Variants in NOTCH2 observed in about 807,000 individuals in gnomAD.
NOTCH2 encodes notch receptor 2.
NOTCH2 carries 29 observed loss-of-function variants against 235.8 expected under a neutral mutation model. The ratio of observed to expected loss-of-function variants is 0.12; its 90% confidence interval spans 0.09 to 0.17. NOTCH2 has a LOEUF of 0.17. NOTCH2 is among the 10% of genes least tolerant of loss of function. The pLI is 1.00. For missense variants in NOTCH2, 2,285 were observed against 3,150.2 expected, an observed-to-expected ratio of 0.73 and a Z score of 6.57; for synonymous variants, 1,086 against 1,141.5, an observed-to-expected ratio of 0.95 and a Z score of 0.98.
intron 5 of NOTCH2, among the ~76,000 whole-genome samples, chr1:119,983,828 G>T (rs1008712600): frequency 6.6e-6 from 1 of 152,068 alleles, no homozygotes; most frequent in African/African-American, 2.4e-5. Flanking sequence ...GTAACTATCA[G>T]GTTCTTCTCA....
rs782154565 is a variant in NOTCH2 at position 119,937,409 on chromosome 1, G to A, written c.3395C>T (p.Thr1132Met). The stretch of plus-strand genomic sequence containing the variant: ...GCCCAGGGGGCACTGACAGTAATGC[G>A]TGTTGCCAGCATTGATGCAGACACC... Reference protein sequence around the residue: ...HSGVCINAGNTHYCQCPLGYT... With the variant: ...HSGVCINAGNMHYCQCPLGYT... The change falls in exon 21 of 34, where the codon ACG becomes ATG. Residue 1132 changes from threonine to methionine, a missense_variant. Physicochemically the swap from Thr to Met is moderately conservative, Grantham distance 81. Coordinates refer to ENST00000256646, the MANE Select transcript of NOTCH2 (RefSeq NM_024408.4). 5.6e-6 allele frequency: 9 copies of A among 1,614,118 alleles called. No homozygotes were observed. The highest frequency in any genetic ancestry group is 2.2e-5 in the East Asian group (1 of 44,874).
intron 6 of NOTCH2, among the ~76,000 whole-genome samples, chr1:119,968,754 G>A (rs1328835176): frequency 6.6e-6 from 1 of 152,086 alleles, no homozygotes; most frequent in East Asian, 1.9e-4. Flanking sequence ...CCTGATTCAG[G>A]TGGCCCCAGG....
At position 119,953,608 on chromosome 1, in the gene NOTCH2, T is replaced by C; in HGVS notation, c.2300A>G (p.Gln767Arg). ...CAGATTGTCACAAGTTCCTCCATTC[T>C]GGCATGGATTCGAAAGGCATTCATT... ...DKNECLSNPC[Q>R]NGGTCDNLVN... Residue 767 changes from glutamine to arginine, a missense_variant, in exon 14 of 34, where the codon CAG becomes CGG. This residue lies in a region of NOTCH2 where 1,173 missense variants were observed against 1,515.3 expected (regional missense o/e 0.77). Transcript: ENST00000256646. 6.2e-7 allele frequency: 1 copy of C among 1,614,118 alleles called. No homozygotes were observed. The highest frequency in any genetic ancestry group is 1.3e-5 in the African/African-American group (1 of 75,072).
At chr1:120,027,480 T>G (rs1348323041) in intron 2 of NOTCH2, among the ~76,000 whole-genome samples, 2 of 149,050 alleles carry the variant, frequency 1.3e-5, no homozygotes, top group African/African-American at 2.5e-5. Context: ...AATTTTACTT[T>G]TAAGTTTTGG....
In NOTCH2 at chr1:119,915,905, C is replaced by T. The variant is rs761134514; in HGVS notation, c.6817G>A (p.Ala2273Thr). 1 of 1,614,162 alleles carries T rather than the reference C, an allele frequency of 6.2e-7. No homozygotes were observed. Among genetic ancestry groups the T allele is most frequent in the Non-Finnish European group, 8.5e-7 (1 of 1,180,032 alleles). Residue 2273 changes from alanine to threonine, a missense_variant, in exon 34 of 34, where the codon GCT (alanine) becomes ACT (threonine). By Grantham distance (58) the Ala-to-Thr change is moderately conservative (BLOSUM62 0). Transcript: ENST00000256646. The part of the protein sequence containing the change: ...QYNEMFGMVL[A>T]PAEGTHPGIA... Reference sequence around the variant, plus strand: ...CCAGGATGGGTGCCCTCAGCTGGAGCCAGGACCATACCAAACATCTCATTG... The same window carrying T: ...CCAGGATGGGTGCCCTCAGCTGGAGTCAGGACCATACCAAACATCTCATTG...
intron 19 of NOTCH2, 146 bp from the exon 20 acceptor site, chr1:119,938,156 T>C (rs1649928562): frequency 2.3e-6 from 2 of 860,362 alleles, no homozygotes; most frequent in Non-Finnish European, 3.7e-6. Flanking sequence ...GCCCTTAAAC[T>C]AGATTCAGTG....
intron 20 of NOTCH2, 78 bp from the exon 21 acceptor site, chr1:119,937,544 A>C: frequency 7.4e-7 from 1 of 1,355,504 alleles, no homozygotes; most frequent in Non-Finnish European, 1.0e-6. Context: ...TGAGCAAGTA[A>C]ATCTAAACTG....
chr1:120,017,958 T>A (rs1295529722), intron 2 of NOTCH2, among the ~76,000 whole-genome samples: 2 of 151,944 alleles, frequency 1.3e-5, no homozygotes, highest in African/African-American at 4.8e-5. Context: ...CATGAACTGC[T>A]AGATTCTGTA....
At chr1:120,041,067 AAAAAATAT>A (rs1654539735) in intron 1 of NOTCH2, among the ~76,000 whole-genome samples, 1 of 108,856 alleles carries the variant, frequency 9.2e-6, no homozygotes, top group African/African-American at 7.9e-5. Flanking sequence ...AAAAAAAAAA[AAAAAATAT>A]ATATATATAT....
chr1:120,043,815 T>C (rs2799326), intron 1 of NOTCH2, among the ~76,000 whole-genome samples: 17 of 147,536 alleles, frequency 1.2e-4, no homozygotes, highest in African/African-American at 4.3e-4. Context: ...TTTTGAAAAC[T>C]TGCCAACTCT....
chr1:120,004,835 C>T (rs1184365899), intron 3 of NOTCH2, among the ~76,000 whole-genome samples: 5 of 152,132 alleles, frequency 3.3e-5, no homozygotes, highest in South Asian at 2.1e-4. Context: ...TGCAGTGGTG[C>T]GATCATAGCT....
At chr1:119,947,361 T>C (rs1188889071) in intron 17 of NOTCH2, among the ~76,000 whole-genome samples, 1 of 152,108 alleles carries the variant, frequency 6.6e-6, no homozygotes, top group Non-Finnish European at 1.5e-5. Context: ...AAAATTTAAA[T>C]AGACATTTCA....
At chr1:119,936,094 T>G (rs1362489175) in intron 21 of NOTCH2, among the ~76,000 whole-genome samples, 2 of 151,984 alleles carry the variant, frequency 1.3e-5, no homozygotes, top group South Asian at 2.1e-4. Flanking sequence ...GAGGTGGGGC[T>G]GGCTGGCTGG....
intron 17 of NOTCH2, among the ~76,000 whole-genome samples, chr1:119,944,039 A>C (rs1156636276): frequency 1.3e-5 from 2 of 152,184 alleles, no homozygotes; most frequent in Non-Finnish European, 2.9e-5. Flanking sequence ...ATCCAAAATA[A>C]AACACTAAGT....
At chr1:119,946,329 A>G (rs1276020476) in intron 17 of NOTCH2, among the ~76,000 whole-genome samples, 9 of 152,104 alleles carry the variant, frequency 5.9e-5, no homozygotes, top group Non-Finnish European at 1.0e-4. Context: ...TTGCCCTCTT[A>G]TCACAACCAG....
At chr1:120,030,777 AAGAAC>A (rs1406595729) in intron 1 of NOTCH2, among the ~76,000 whole-genome samples, 1 of 124,864 alleles carries the variant, frequency 8.0e-6, no homozygotes, top group Non-Finnish European at 1.7e-5. Context: ...TTTCAGAGAA[AAGAAC>A]AAAAACAACA....
rs2101158957 is a variant in NOTCH2, at chr1:119,923,784, G to A, written c.4712C>T (p.Thr1571Ile). The change falls in exon 26 of 34, where the codon ACC (threonine) becomes ATC (isoleucine). Residue 1571 changes from threonine (T) to isoleucine (I), a missense_variant. By Grantham distance (89) the Thr-to-Ile change is moderately conservative. This residue lies in a region of NOTCH2 where 1,173 missense variants were observed against 1,515.3 expected (regional missense o/e 0.77). Coordinates refer to ENST00000256646, the MANE Select transcript of NOTCH2 (RefSeq NM_024408.4). ...AATGCGCAGGTTGGTGTGGAGCAGGGTACCCAGTGCCCGCAAGAAGCTGCG... is the reference window on the plus strand; with the variant it reads ...AATGCGCAGGTTGGTGTGGAGCAGGATACCCAGTGCCCGCAAGAAGCTGCG... ...DARSFLRALG[T>I]LLHTNLRIKR... The A allele has an allele frequency of 6.2e-7, 1 of 1,614,168 alleles. No individual in the cohort carries two copies. The highest frequency in any genetic ancestry group is 8.5e-7 in the Non-Finnish European group (1 of 1,180,042).
chr1:119,974,535 A>G (rs1022424101), intron 5 of NOTCH2, among the ~76,000 whole-genome samples: 13 of 152,318 alleles, frequency 8.5e-5, no homozygotes, highest in African/African-American at 3.1e-4. Flanking sequence ...AACTACTGAC[A>G]ATTTTCTGGT....
chr1:119,954,821 A>G (rs1650619575), intron 13 of NOTCH2, among the ~76,000 whole-genome samples: 1 of 152,206 alleles, frequency 6.6e-6, no homozygotes, highest in Admixed American at 6.5e-5. Flanking sequence ...TAAGGGAGAC[A>G]TTCCTCCTTA....
Sources: allele counts gnomAD v4.1 joint callset (sites outside exome capture counted in the v4.1 genomes callset), GRCh38; gene constraint gnomAD v4.1.1; regional missense constraint gnomAD v4.1.1; transcripts MANE v1.5; gene names NCBI Gene and HGNC (gene_info 2026-07-23, HGNC 2026-07-21).